MTFR1: variants seen among roughly 807,000 people sequenced by gnomAD.
The protein encoded by MTFR1 is chondrocyte protein with a poly-proline region.
Under a neutral mutation model 38.8 loss-of-function variants are expected in MTFR1, and 28 were observed. That is an observed-to-expected ratio of 0.72 (90% CI 0.53 to 0.99). The LOEUF (loss-of-function observed/expected upper bound fraction) is 0.99. Among genes scored for constraint, MTFR1 ranks in the 50% least tolerant of loss-of-function variants. The pLI, the probability that MTFR1 is intolerant of heterozygous loss-of-function variation, is 0.00. For synonymous variants in MTFR1, 145 were observed against 137.0 expected, an observed-to-expected ratio of 1.06 and a Z score of -0.41; for missense variants, 358 against 395.5, an observed-to-expected ratio of 0.91 and a Z score of 0.81.
intron 2 of MTFR1, among the ~76,000 whole-genome samples, chr8:65,681,295 T>G (rs1244392835): frequency 6.6e-6 from 1 of 152,148 alleles, no homozygotes; most frequent in Admixed American, 6.5e-5. Flanking sequence ...AATTTTTGTA[T>G]TTTTAGTAGA....
chr8:65,769,084 C>T (rs538943723), intron 3 of MTFR1, among the ~76,000 whole-genome samples: 11 of 151,850 alleles, frequency 7.2e-5, no homozygotes, highest in African/African-American at 2.7e-4. Context: ...CCCGTCTCTA[C>T]TAAAAATACA....
At chr8:65,691,586 C>G (rs1805279343) in intron 3 of MTFR1, among the ~76,000 whole-genome samples, 1 of 152,192 alleles carries the variant, frequency 6.6e-6, no homozygotes, top group Non-Finnish European at 1.5e-5. Flanking sequence ...GCCACCGCAC[C>G]TGGCTGAATT....
chr8:65,701,210 T>A (rs1166244971), intron 4 of MTFR1, among the ~76,000 whole-genome samples: 1 of 152,268 alleles, frequency 6.6e-6, no homozygotes, highest in African/African-American at 2.4e-5. Context: ...AAGGCACTGA[T>A]CTGTCTCCCA....
intron 3 of MTFR1, among the ~76,000 whole-genome samples, chr8:65,692,892 C>CTT (rs569732080): frequency 1.5e-4 from 20 of 133,188 alleles, no homozygotes; most frequent in African/African-American, 3.3e-4. Flanking sequence ...TTTGCTTGTT[C>CTT]TTTTTTTTTT....
At chr8:65,720,870 C>T (rs1010977332) in intron 3 of MTFR1, among the ~76,000 whole-genome samples, 1 of 152,196 alleles carries the variant, frequency 6.6e-6, no homozygotes, top group Non-Finnish European at 1.5e-5. Flanking sequence ...CCCTGTCTTT[C>T]CTACGTGCCA....
intron 3 of MTFR1, 103 bp from the exon 4 acceptor site, chr8:65,693,541 G>A: frequency 1.2e-6 from 1 of 835,896 alleles, no homozygotes; most frequent in Non-Finnish European, 2.0e-6. Context: ...CCACTCATGT[G>A]TTTTTAACAC....
intron 3 of MTFR1, among the ~76,000 whole-genome samples, chr8:65,742,419 C>T (rs1807483013): frequency 6.6e-6 from 1 of 152,174 alleles, no homozygotes; most frequent in East Asian, 1.9e-4. Flanking sequence ...TCCTACCAGA[C>T]AATAACTACT....
chr8:65,774,762 T>C (rs1809209533), downstream of MTFR1, among the ~76,000 whole-genome samples: 1 of 151,986 alleles, frequency 6.6e-6, no homozygotes, highest in African/African-American at 2.4e-5. Flanking sequence ...ATAAATAACA[T>C]TTTTATTAAA....
intron 3 of MTFR1, among the ~76,000 whole-genome samples, chr8:65,759,351 T>G (rs1404934417): frequency 1.3e-5 from 2 of 152,180 alleles, no homozygotes; most frequent in African/African-American, 4.8e-5. Flanking sequence ...GGCCAAATCT[T>G]GTGAAAACAT....
intron 2 of MTFR1, among the ~76,000 whole-genome samples, chr8:65,681,236 C>T (rs1804878309): frequency 6.6e-6 from 1 of 152,114 alleles, no homozygotes; most frequent in South Asian, 2.1e-4. Flanking sequence ...TCTCATGCCT[C>T]AGCCTCCCAA....
chr8:65,691,350 C>T lies in MTFR1; in HGVS notation c.166-2294C>T, dbSNP rs571037410. 2.6e-5 allele frequency among the ~76,000 whole-genome samples: 4 copies of T among 152,206 alleles called. No homozygotes were observed. The South Asian group carries it at 8.3e-4, about 32-fold the overall frequency. On this transcript the variant is annotated intron_variant, in intron 3 of 7. Coordinates refer to ENST00000262146, the MANE Select transcript of MTFR1 (RefSeq NM_014637.4). ...TTGCCCGGGCTGGAGTGTGGTGGTG[C>T]GATCATGCCTCACTGCAGCCTCTGC...
chr8:65,727,474 T>G, intron 3 of MTFR1: 1 of 793,354 alleles, frequency 1.3e-6, no homozygotes, highest in Non-Finnish European at 1.9e-6. Context: ...CAGGTCCTGA[T>G]CTCATCACCA....
At chr8:65,737,184 T>G (rs939389197) in intron 3 of MTFR1, among the ~76,000 whole-genome samples, 1 of 152,088 alleles carries the variant, frequency 6.6e-6, no homozygotes, top group African/African-American at 2.4e-5. Context: ...GCCAAAGCCA[T>G]TCCAGATATG....
At chr8:65,733,558 T>C (rs1806994945) in intron 3 of MTFR1, among the ~76,000 whole-genome samples, 1 of 151,994 alleles carries the variant, frequency 6.6e-6, no homozygotes, top group Non-Finnish European at 1.5e-5. Context: ...ATGTCGAGGC[T>C]GCAGTGAGCC....
chr8:65,759,854 C>T (rs1201520024), intron 3 of MTFR1, among the ~76,000 whole-genome samples: 1 of 152,062 alleles, frequency 6.6e-6, no homozygotes, highest in African/African-American at 2.4e-5. Flanking sequence ...CACCCTGGTA[C>T]TCTAGATTTT....
chr8:65,755,313 G>T (rs988862961), intron 3 of MTFR1, among the ~76,000 whole-genome samples: 2 of 152,080 alleles, frequency 1.3e-5, no homozygotes, highest in Non-Finnish European at 2.9e-5. Context: ...GAGCCATCAT[G>T]CCCGGCCCAT....
At chr8:65,705,290 C>T (rs1316922430) in intron 5 of MTFR1, among the ~76,000 whole-genome samples, 2 of 152,202 alleles carry the variant, frequency 1.3e-5, no homozygotes, top group Non-Finnish European at 2.9e-5. Flanking sequence ...TGCCACTGCA[C>T]TCCGGCCTGG....
intron 6 of MTFR1, among the ~76,000 whole-genome samples, chr8:65,707,549 G>A (rs866798342): frequency 1.3e-5 from 2 of 152,212 alleles, no homozygotes; most frequent in Admixed American, 6.5e-5. Context: ...AAGGCGTGCT[G>A]TGTACCACTA....
At chr8:65,730,337 C>G (rs1806827061) in intron 3 of MTFR1, among the ~76,000 whole-genome samples, 1 of 151,318 alleles carries the variant, frequency 6.6e-6, no homozygotes, top group South Asian at 2.1e-4. Flanking sequence ...TGCGCCACCA[C>G]AACCAGCTAA....
Sources: gnomAD v4.1 joint callset for allele counts (sites outside exome capture counted in the v4.1 genomes callset) on GRCh38, gnomAD v4.1.1 for gene constraint, MANE v1.5 for transcripts, NCBI Gene and HGNC (gene_info 2026-07-23, HGNC 2026-07-21) for gene names.